DYNC1I2: variants seen among roughly 807,000 people sequenced by gnomAD.
DYNC1I2 encodes dynein cytoplasmic 1 intermediate chain 2, also known as cytoplasmic dynein 1 intermediate chain 2.
In DYNC1I2, 53 loss-of-function variants were observed where a neutral mutation model predicts 88.6. That is an observed-to-expected ratio of 0.60 (90% CI 0.48 to 0.75). The LOEUF (loss-of-function observed/expected upper bound fraction) is 0.75. DYNC1I2 is among the 30% of genes least tolerant of loss of function. The pLI, the probability that DYNC1I2 is intolerant of heterozygous loss-of-function variation, is 0.00. For synonymous variants in DYNC1I2, 198 were observed against 254.6 expected, an observed-to-expected ratio of 0.78 and a Z score of 2.12; for missense variants, 458 against 766.6, an observed-to-expected ratio of 0.60 and a Z score of 4.75.
At chr2:171,740,163 C>T (rs1689322182) in intron 15 of DYNC1I2, among the ~76,000 whole-genome samples, 1 of 152,058 alleles carries the variant, frequency 6.6e-6, no homozygotes, top group Non-Finnish European at 1.5e-5. Context: ...CCTGTGGTGT[C>T]ATTCATATTA....
chr2:171,712,614 T>G, intron 5 of DYNC1I2, 153 bp from the exon 6 acceptor site: 1 of 578,878 alleles, frequency 1.7e-6, no homozygotes. Context: ...GATTTCTTGT[T>G]TTGTTTTCGA....
Position 171,725,599 on chromosome 2 carries a change from T to TG in DYNC1I2, c.512-19_512-18insG. On this transcript the variant is annotated intron_variant, in intron 7 of 17. Transcript: ENST00000397119. ...TTCTGTTTTTTTGTTTTTTTGTTTG[T>TG]TTTTTTTTTTTTTTTCAGATGAAGA... The TG allele has an allele frequency of 6.0e-6, 4 of 664,096 alleles. No individual in the cohort carries two copies. Among genetic ancestry groups the TG allele is most frequent in the Non-Finnish European group, 8.0e-6 (4 of 502,092 alleles). The allele number at this position is 664,096 out of a possible 1,614,324, so 41.1% of individuals were successfully genotyped here. A position where few individuals can be genotyped will look rare whatever the true frequency, so the allele number is the denominator to read the frequency against.
chr2:171,697,360 T>C (rs937287878), intron 3 of DYNC1I2, among the ~76,000 whole-genome samples: 9 of 152,122 alleles, frequency 5.9e-5, no homozygotes, highest in African/African-American at 2.2e-4. Flanking sequence ...ACACACATAC[T>C]ACTTTTTGCC....
At chr2:171,690,070 G>C in intron 1 of DYNC1I2, 77 bp from the exon 2 acceptor site, 1 of 895,252 alleles carries the variant, frequency 1.1e-6, no homozygotes. Flanking sequence ...ATGGCCTTTC[G>C]GGACAGTTCT....
intron 15 of DYNC1I2, among the ~76,000 whole-genome samples, chr2:171,738,541 A>G (rs1355689513): frequency 6.6e-6 from 1 of 152,186 alleles, no homozygotes; most frequent in African/African-American, 2.4e-5. Flanking sequence ...GGCCATTACA[A>G]ATAGTGTTGT....
intron 5 of DYNC1I2, 62 bp downstream of exon 5, chr2:171,707,439 G>A: frequency 6.9e-7 from 1 of 1,443,114 alleles, no homozygotes; most frequent in Non-Finnish European, 9.4e-7. Flanking sequence ...AAATACTGTT[G>A]ATACTTTAAA....
At chr2:171,700,371 T>C (rs1686154533) in intron 3 of DYNC1I2, among the ~76,000 whole-genome samples, 1 of 152,160 alleles carries the variant, frequency 6.6e-6, no homozygotes, top group Non-Finnish European at 1.5e-5. Flanking sequence ...ATTCTGTCCA[T>C]TGGAAGAGAA....
At position 171,702,151 on chromosome 2, in the gene DYNC1I2, A is replaced by G. The variant is rs949905717; in HGVS notation, c.227-4396A>G. Among the ~76,000 whole-genome samples, 6 of 152,098 alleles carry G rather than the reference A, an allele frequency of 3.9e-5. No individual in the cohort carries two copies. The East Asian group carries it at 1.2e-3, about 29-fold the overall frequency. Reference sequence around the variant, plus strand: ...GAATTACCAGTTTCTCCAAATAGCTATGAACAAAGGGTTGGCTGTTCCTTC... The same window carrying G: ...GAATTACCAGTTTCTCCAAATAGCTGTGAACAAAGGGTTGGCTGTTCCTTC... On this transcript the variant is annotated intron_variant, in intron 3 of 17. Coordinates refer to ENST00000397119, the MANE Select transcript of DYNC1I2 (RefSeq NM_001378.3).
intron 15 of DYNC1I2, among the ~76,000 whole-genome samples, chr2:171,739,965 C>T (rs1021001531): frequency 1.2e-4 from 19 of 152,164 alleles, no homozygotes; most frequent in African/African-American, 4.6e-4. Context: ...CTCAGCCCTC[C>T]TCGGCTTTCC....
chr2:171,710,857 C>T (rs1687072280), intron 5 of DYNC1I2, among the ~76,000 whole-genome samples: 1 of 150,788 alleles, frequency 6.6e-6, no homozygotes, highest in Non-Finnish European at 1.5e-5. Context: ...TGTGTGTCAC[C>T]ATACCCAGCT....
chr2:171,728,231 C>T, intron 12 of DYNC1I2, 74 bp from the exon 13 acceptor site: 1 of 892,874 alleles, frequency 1.1e-6, no homozygotes, highest in Non-Finnish European at 1.6e-6. Context: ...AAACAGAATG[C>T]TTATAATTAG....
At chr2:171,741,239 G>C (rs1689405476) in intron 15 of DYNC1I2, among the ~76,000 whole-genome samples, 1 of 151,960 alleles carries the variant, frequency 6.6e-6, no homozygotes, top group Admixed American at 6.6e-5. Context: ...CTGCTTTTTG[G>C]CTATTATGAA....
chr2:171,706,782 C>T (rs1219917252), intron 4 of DYNC1I2: 1 of 462,762 alleles, frequency 2.2e-6, no homozygotes, highest in African/African-American at 2.0e-5. Context: ...TCATTTTAAA[C>T]ATTACTTTTT....
intron 7 of DYNC1I2, among the ~76,000 whole-genome samples, chr2:171,723,051 C>G (rs1688003029): frequency 6.6e-6 from 1 of 152,172 alleles, no homozygotes; most frequent in Non-Finnish European, 1.5e-5. Flanking sequence ...CATATTTCAT[C>G]TACATTTTAA....
Position 171,749,883 on chromosome 2 carries a change from G to A in DYNC1I2, c.*1994G>A, listed in dbSNP as rs1019082223. Among the ~76,000 whole-genome samples, 11 of 152,100 alleles carry A rather than the reference G, an allele frequency of 7.2e-5. No homozygotes were observed. Among genetic ancestry groups the A allele is most frequent in the African/African-American group, 2.7e-4 (11 of 41,436 alleles). On this transcript the variant is annotated 3_prime_UTR_variant, in exon 18 of 18. Transcript: ENST00000397119. ...ACTGTCAGTGTTGATAAAGCTTCTA[G>A]CAAGATTAGGTTGACTAGAAGTGCA...
chr2:171,707,261 G>A (rs777344607), intron 4 of DYNC1I2, 26 bp from the exon 5 acceptor site: 20 of 1,613,398 alleles, frequency 1.2e-5, no homozygotes, highest in African/African-American at 9.4e-5. Context: ...TAGTAACAGC[G>A]GATACCTGTC....
intron 3 of DYNC1I2, among the ~76,000 whole-genome samples, chr2:171,696,355 G>A (rs555366818): frequency 9.9e-4 from 150 of 152,252 alleles, no homozygotes; most frequent in Non-Finnish European, 2.9e-5. Context: ...TCAGATTTCA[G>A]ATTTTTAAGT....
At chr2:171,721,744 A>G (rs1475273749) in intron 7 of DYNC1I2, among the ~76,000 whole-genome samples, 2 of 152,184 alleles carry the variant, frequency 1.3e-5, no homozygotes, top group African/African-American at 2.4e-5. Context: ...GGGATTTTTC[A>G]TAGGATATTA....
chr2:171,726,920 T>C lies in DYNC1I2; in HGVS notation c.996+4T>C, dbSNP rs1688294966. The C allele has an allele frequency of 6.2e-7, 1 of 1,603,358 alleles. No homozygotes were observed. The highest frequency in any genetic ancestry group is 8.5e-7 in the Non-Finnish European group (1 of 1,175,674). ...AGAGTATGTGTTTCACTGCCAGGTA[T>C]GGTGGTCTTTTAACAGTCTTCGCCT... is the stretch of plus-strand genomic sequence containing the variant. On this transcript the variant is annotated splice_donor_region_variant and intron_variant, in intron 11 of 17. Coordinates refer to ENST00000397119, the MANE Select transcript of DYNC1I2 (RefSeq NM_001378.3).
Sources: gnomAD v4.1 joint callset for allele counts (sites outside exome capture counted in the v4.1 genomes callset) on GRCh38, gnomAD v4.1.1 for gene constraint, MANE v1.5 for transcripts, NCBI Gene and HGNC (gene_info 2026-07-23, HGNC 2026-07-21) for gene names.